The following ZEB2 variants were observed in gnomAD, a reference collection of about 807,000 sequenced individuals.
ZEB2 encodes the protein zinc finger E-box binding homeobox 2, also known as zinc finger E-box-binding homeobox 2.
A neutral mutation model predicts 99.9 loss-of-function variants in ZEB2; 6 were observed. The observed-to-expected ratio is 0.06, with a 90% CI of 0.03 to 0.12. ZEB2 has a LOEUF of 0.12. Among genes scored for constraint, ZEB2 ranks in the 10% least tolerant of loss-of-function variants. The probability of loss-of-function intolerance (pLI) is 1.00; values close to 1 mark genes in which losing one functional copy is unlikely to be tolerated. For missense variants in ZEB2, 969 were observed against 1,502.8 expected (o/e 0.64, Z 5.87); for synonymous variants, 517 against 542.5 (o/e 0.95, Z 0.65).
intron 2 of ZEB2, among the ~76,000 whole-genome samples, chr2:144,466,192 AG>A (rs1310571866): frequency 1.3e-5 from 2 of 152,188 alleles, no homozygotes; most frequent in Non-Finnish European, 1.5e-5. Flanking sequence ...TATCTCCCTT[AG>A]GGGGGAAAAG....
intron 2 of ZEB2, chr2:144,512,863 T>C (rs1468500259): frequency 2.3e-6 from 3 of 1,287,116 alleles, no homozygotes; most frequent in East Asian, 5.5e-5. Flanking sequence ...ATGGATATCT[T>C]TGGAGCGCCC....
At chr2:144,430,630 A>C (rs1703757752) in intron 2 of ZEB2, 1 of 172,230 alleles carries the variant, frequency 5.8e-6, no homozygotes, top group African/African-American at 2.4e-5. Flanking sequence ...AAATGAGGAA[A>C]AGCCATATCT....
At chr2:144,450,049 G>A (rs1409133583) in intron 2 of ZEB2, 1 of 152,060 alleles carries the variant, frequency 6.6e-6, no homozygotes, top group Non-Finnish European at 1.5e-5. Context: ...CCAGTGGTAG[G>A]TATACCTGGA....
intron 2 of ZEB2, among the ~76,000 whole-genome samples, chr2:144,473,795 C>G (rs1251201052): frequency 6.6e-6 from 1 of 152,176 alleles, no homozygotes; most frequent in African/African-American, 2.4e-5. Context: ...GTGAATGCCT[C>G]ACACCCAGGC....
intron 2 of ZEB2, among the ~76,000 whole-genome samples, chr2:144,477,913 CTT>C (rs980369392): frequency 1.3e-5 from 2 of 152,168 alleles, no homozygotes; most frequent in Non-Finnish European, 2.9e-5. Flanking sequence ...TTCCCTGTCT[CTT>C]TTCCTAGAAT....
intron 2 of ZEB2, among the ~76,000 whole-genome samples, chr2:144,477,482 C>T (rs1488370895): frequency 6.6e-6 from 1 of 152,126 alleles, no homozygotes; most frequent in African/African-American, 2.4e-5. Context: ...CATAAAATTC[C>T]TATAATTCTT....
intron 2 of ZEB2, among the ~76,000 whole-genome samples, chr2:144,439,082 G>A (rs1370936226): frequency 7.0e-6 from 1 of 142,288 alleles, no homozygotes; most frequent in Non-Finnish European, 1.5e-5. Flanking sequence ...GGCTCTAATT[G>A]AATTAAACTC....
rs762142093 is a variant in ZEB2 at position 144,403,987 on chromosome 2, A to G, written c.736T>C (p.Cys246Arg). The G allele has an allele frequency of 6.2e-7, 1 of 1,614,106 alleles. No homozygotes were observed. Among genetic ancestry groups the G allele is most frequent in the Non-Finnish European group, 8.5e-7 (1 of 1,180,016 alleles). Residue 246 changes from cysteine (C) to arginine (R), a missense_variant, in exon 6 of 10, where the codon TGT becomes CGT. This residue lies in a region of ZEB2 where 65 missense variants were observed against 147.7 expected (regional missense o/e 0.44). Coordinates refer to ENST00000627532, the MANE Select transcript of ZEB2 (RefSeq NM_014795.4). ...GTGCGGTAGGCAAACGTGTAGCTAC[A>G]GAGAGGGCAGGAAAAGTTCTCTTCA... ...KNEENFSCPL[C>R]SYTFAYRTQL...
At chr2:144,398,025 T>C (rs1025087301) in intron 8 of ZEB2, 9 of 381,028 alleles carry the variant, frequency 2.4e-5, no homozygotes, top group African/African-American at 2.1e-5. Flanking sequence ...TTCACCAAAG[T>C]TTAATTTTAA....
At chr2:144,412,200 C>T (rs1403312488) in intron 4 of ZEB2, among the ~76,000 whole-genome samples, 2 of 152,138 alleles carry the variant, frequency 1.3e-5, no homozygotes, top group African/African-American at 4.8e-5. Context: ...ACCTGGGAGG[C>T]GGAGGTTGCG....
intron 2 of ZEB2, among the ~76,000 whole-genome samples, chr2:144,443,179 A>G (rs1703938394): frequency 6.6e-6 from 1 of 152,142 alleles, no homozygotes; most frequent in Non-Finnish European, 1.5e-5. Context: ...TTTAAAGAAT[A>G]TAATTTAAAA....
intron 2 of ZEB2, among the ~76,000 whole-genome samples, chr2:144,488,670 A>AGTGGGTGTGT (rs1704633084): frequency 6.8e-6 from 1 of 148,030 alleles, no homozygotes; most frequent in African/African-American, 2.5e-5. Flanking sequence ...CTCGTGTGTG[A>AGTGGGTGTGT]GTGTGTGTGT....
chr2:144,462,229 C>T (rs898799922), intron 2 of ZEB2: 2 of 152,066 alleles, frequency 1.3e-5, no homozygotes, highest in South Asian at 2.1e-4. Context: ...TATAACTGCT[C>T]TGGAGTAATG....
intron 3 of ZEB2, chr2:144,426,958 A>G (rs892934440): frequency 1.3e-5 from 2 of 152,188 alleles, no homozygotes; most frequent in Non-Finnish European, 2.9e-5. Flanking sequence ...GTTTAGGAAT[A>G]TTGCCTCCGA....
At chr2:144,447,370 T>A (rs1290717973) in intron 2 of ZEB2, among the ~76,000 whole-genome samples, 1 of 152,226 alleles carries the variant, frequency 6.6e-6, no homozygotes, top group Non-Finnish European at 1.5e-5. Context: ...CCATAAAATG[T>A]ATTATGATAT....
intron 9 of ZEB2, among the ~76,000 whole-genome samples, chr2:144,393,401 C>A (rs1029339689): frequency 6.6e-6 from 1 of 152,212 alleles, no homozygotes; most frequent in African/African-American, 2.4e-5. Context: ...TGTAGACAGA[C>A]ATCACAAACA....
At chr2:144,474,418 A>G (rs1335236694) in intron 2 of ZEB2, among the ~76,000 whole-genome samples, 1 of 152,198 alleles carries the variant, frequency 6.6e-6, no homozygotes. Flanking sequence ...CCATTGCCCA[A>G]GTTTCCCTGT....
intron 2 of ZEB2, among the ~76,000 whole-genome samples, chr2:144,493,660 G>A (rs1193579882): frequency 6.6e-6 from 1 of 152,076 alleles, no homozygotes; most frequent in Non-Finnish European, 1.5e-5. Flanking sequence ...GAAGCAGCTC[G>A]CCTTGCAGCC....
chr2:144,460,173 G>A (rs1166681552), intron 2 of ZEB2, among the ~76,000 whole-genome samples: 1 of 152,158 alleles, frequency 6.6e-6, no homozygotes, highest in African/African-American at 2.4e-5. Flanking sequence ...CCCAAGTGAC[G>A]TAGGTTAGAG....
Sources: allele counts gnomAD v4.1 joint callset (sites outside exome capture counted in the v4.1 genomes callset), GRCh38; gene constraint gnomAD v4.1.1; regional missense constraint gnomAD v4.1.1; transcripts MANE v1.5; gene names NCBI Gene and HGNC (gene_info 2026-07-23, HGNC 2026-07-21).